Variants in MCU observed in about 807,000 individuals in gnomAD.
MCU encodes the protein mitochondrial calcium uniporter, also known as calcium uniporter protein, mitochondrial.
MCU carries 12 observed loss-of-function variants against 45.2 expected under a neutral mutation model. That is an observed-to-expected ratio of 0.27 (90% CI 0.17 to 0.43). The LOEUF (loss-of-function observed/expected upper bound fraction) is 0.43. Ranked by LOEUF, MCU falls within the 20% of genes least tolerant of loss-of-function variation. The pLI is 1.00. For synonymous variants in MCU, 160 were observed against 165.1 expected (o/e 0.97, Z 0.24); for missense variants, 324 against 436.7 (o/e 0.74, Z 2.30).
chr10:72,803,976 T>C (rs2132786107), intron 1 of MCU, among the ~76,000 whole-genome samples: 1 of 135,194 alleles, frequency 7.4e-6, no homozygotes, highest in African/African-American at 2.7e-5. Flanking sequence ...TATTCTTTCT[T>C]AATCTGTAGG....
chr10:72,715,642 T>C (rs1842947752), intron 1 of MCU, among the ~76,000 whole-genome samples: 1 of 152,204 alleles, frequency 6.6e-6, no homozygotes, highest in East Asian at 1.9e-4. Context: ...CCAATTACCT[T>C]GGCATTTATC....
At chr10:72,702,965 C>T (rs1328572174) in intron 1 of MCU, among the ~76,000 whole-genome samples, 6 of 144,176 alleles carry the variant, frequency 4.2e-5, no homozygotes, top group Admixed American at 2.8e-4. Context: ...ACAACAAGAA[C>T]GAAACTGTGT....
At chr10:72,877,849 G>A (rs1469025611) in intron 6 of MCU, among the ~76,000 whole-genome samples, 1 of 152,082 alleles carries the variant, frequency 6.6e-6, no homozygotes, top group Non-Finnish European at 1.5e-5. Context: ...TAAAGTAGGC[G>A]AAACAGAAAC....
chr10:72,743,283 G>T (rs1033775098), intron 1 of MCU, among the ~76,000 whole-genome samples: 1 of 151,590 alleles, frequency 6.6e-6, no homozygotes, highest in Non-Finnish European at 1.5e-5. Context: ...CATGGTGGCG[G>T]GTGCTTGTAA....
At chr10:72,862,082 C>T (rs950113316) in intron 4 of MCU, among the ~76,000 whole-genome samples, 6 of 151,056 alleles carry the variant, frequency 4.0e-5, no homozygotes, top group African/African-American at 1.5e-4. Flanking sequence ...CCCAGGTTCA[C>T]GCCATTCTCC....
At chr10:72,746,035 T>C (rs1447092859) in intron 1 of MCU, among the ~76,000 whole-genome samples, 1 of 152,196 alleles carries the variant, frequency 6.6e-6, no homozygotes, top group Non-Finnish European at 1.5e-5. Flanking sequence ...TTCCTGCCTG[T>C]GTTTTGTTTC....
intron 1 of MCU, among the ~76,000 whole-genome samples, chr10:72,728,925 C>T (rs900807171): frequency 6.6e-6 from 1 of 152,100 alleles, no homozygotes; most frequent in Admixed American, 6.6e-5. Context: ...AAGATAAATA[C>T]TAGAAAGACT....
chr10:72,854,542 C>G (rs1310860689), intron 2 of MCU, among the ~76,000 whole-genome samples: 2 of 152,074 alleles, frequency 1.3e-5, no homozygotes, highest in Admixed American at 6.5e-5. Flanking sequence ...TAAACTATAC[C>G]TAAAGTGATA....
chr10:72,766,437 T>C (rs182059714), intron 1 of MCU: 2 of 152,272 alleles, frequency 1.3e-5, no homozygotes, highest in Admixed American at 6.5e-5. Flanking sequence ...GTACAAAATA[T>C]GCAAGAAAAA....
At chr10:72,708,709 T>G (rs1490574520) in intron 1 of MCU, among the ~76,000 whole-genome samples, 1 of 152,188 alleles carries the variant, frequency 6.6e-6, no homozygotes, top group Non-Finnish European at 1.5e-5. Flanking sequence ...GTGATGGGAA[T>G]TATGGGAATG....
At chr10:72,883,875 A>G (rs1228849765) in intron 6 of MCU, among the ~76,000 whole-genome samples, 1 of 152,200 alleles carries the variant, frequency 6.6e-6, no homozygotes, top group Admixed American at 6.5e-5. Flanking sequence ...TAAGTTGTGG[A>G]ACTTAGGAAT....
At chr10:72,863,483 T>C (rs1478336946) in intron 4 of MCU, among the ~76,000 whole-genome samples, 1 of 152,230 alleles carries the variant, frequency 6.6e-6, no homozygotes, top group East Asian at 1.9e-4. Context: ...AAAGATATTC[T>C]TTAAATACAG....
At chr10:72,773,694 A>C (rs1035389920) in intron 1 of MCU, among the ~76,000 whole-genome samples, 3 of 152,202 alleles carry the variant, frequency 2.0e-5, no homozygotes, top group Non-Finnish European at 4.4e-5. Context: ...AAACTCTCAA[A>C]AGTTAAGAAC....
At chr10:72,727,184 T>C (rs1410910710) in intron 1 of MCU, among the ~76,000 whole-genome samples, 3 of 152,152 alleles carry the variant, frequency 2.0e-5, no homozygotes, top group Non-Finnish European at 4.4e-5. Context: ...GCACCAGTGC[T>C]CAGAGAGGGA....
At chr10:72,708,023 C>T (rs550461226) in intron 1 of MCU, among the ~76,000 whole-genome samples, 67 of 152,172 alleles carry the variant, frequency 4.4e-4, no homozygotes, top group Non-Finnish European at 8.4e-4. Context: ...TTATACAGTA[C>T]TTTACAAGTA....
intron 1 of MCU, among the ~76,000 whole-genome samples, chr10:72,733,950 G>A (rs920363168): frequency 5.3e-5 from 8 of 151,938 alleles, no homozygotes; most frequent in Admixed American, 2.0e-4. Context: ...TATAGTAGGA[G>A]TCTGTTAACA....
intron 6 of MCU, among the ~76,000 whole-genome samples, chr10:72,881,078 T>C (rs1240884624): frequency 6.6e-6 from 1 of 152,050 alleles, no homozygotes; most frequent in Non-Finnish European, 1.5e-5. Flanking sequence ...TGCATTGAGC[T>C]ATGGTCACAC....
At chr10:72,790,320 A>G (rs1844139971) in intron 1 of MCU, among the ~76,000 whole-genome samples, 1 of 152,214 alleles carries the variant, frequency 6.6e-6, no homozygotes, top group Admixed American at 6.5e-5. Flanking sequence ...AGAGAAGAGA[A>G]ATAATTCTCA....
At chr10:72,777,147 A>G (rs1051298425) in intron 1 of MCU, among the ~76,000 whole-genome samples, 1 of 152,266 alleles carries the variant, frequency 6.6e-6, no homozygotes, top group African/African-American at 2.4e-5. Context: ...TTACAGATTC[A>G]GTGCAATCCC....
Sources: allele counts gnomAD v4.1 joint callset (sites outside exome capture counted in the v4.1 genomes callset), GRCh38; gene constraint gnomAD v4.1.1; transcripts MANE v1.5; gene names NCBI Gene and HGNC (gene_info 2026-07-23, HGNC 2026-07-21).